TRIML2: variants seen among roughly 807,000 people sequenced by gnomAD.
TRIML2 encodes tripartite motif family like 2, also known as probable E3 ubiquitin-protein ligase TRIML2.
In TRIML2, 28 loss-of-function variants were observed where a neutral mutation model predicts 31.2. The observed-to-expected ratio is 0.90, with a 90% CI of 0.66 to 1.23. The LOEUF (loss-of-function observed/expected upper bound fraction) is 1.23. TRIML2 is among the 50% of genes most tolerant of loss of function. The probability of loss-of-function intolerance (pLI) is 0.00; values close to 1 mark genes in which losing one functional copy is unlikely to be tolerated. For missense variants in TRIML2, 536 were observed against 528.3 expected (o/e 1.01, Z -0.14); for synonymous variants, 187 against 197.5 (o/e 0.95, Z 0.45).
intron 3 of TRIML2, among the ~76,000 whole-genome samples, chr4:188,104,049 G>A (rs1733920297): frequency 6.6e-6 from 1 of 152,162 alleles, no homozygotes; most frequent in Non-Finnish European, 1.5e-5. Flanking sequence ...ATGCCTAACA[G>A]GTGGTGAACC....
At chr4:188,092,377 C>CTTGA (rs1383754948) in intron 7 of TRIML2, among the ~76,000 whole-genome samples, 1 of 151,980 alleles carries the variant, frequency 6.6e-6, no homozygotes, top group Non-Finnish European at 1.5e-5. Context: ...CAGAAAATTG[C>CTTGA]TTGAACCCAG....
chr4:188,099,199 T>C (rs1579174840), intron 4 of TRIML2, 24 bp from the exon 5 acceptor site: 1 of 1,567,606 alleles, frequency 6.4e-7, no homozygotes, highest in East Asian at 2.3e-5. Flanking sequence ...TCTTCGTTAC[T>C]ATTCAACAAC....
At chr4:188,098,907 T>G in intron 5 of TRIML2, 128 bp downstream of exon 5, 1 of 1,101,318 alleles carries the variant, frequency 9.1e-7, no homozygotes, top group Non-Finnish European at 1.3e-6. Context: ...AAGAAAGTCA[T>G]GTAGCCTTCT....
At chr4:188,099,659 T>C (rs1425957919) in intron 4 of TRIML2, among the ~76,000 whole-genome samples, 1 of 152,170 alleles carries the variant, frequency 6.6e-6, no homozygotes, top group Non-Finnish European at 1.5e-5. Flanking sequence ...GCCATGATAT[T>C]CTTCTGCTGA....
chr4:188,104,805 C>T (rs1733952752), intron 3 of TRIML2, 32 bp downstream of exon 3: 1 of 1,510,140 alleles, frequency 6.6e-7, no homozygotes, highest in Non-Finnish European at 9.2e-7. Context: ...CTGGTAATTT[C>T]CCCCCAAGAA....
chr4:188,102,582 G>T (rs1477904929), intron 3 of TRIML2, among the ~76,000 whole-genome samples: 2 of 152,068 alleles, frequency 1.3e-5, no homozygotes, highest in African/African-American at 4.8e-5. Flanking sequence ...AAATTGTCCG[G>T]GCTCACGTCT....
chr4:188,091,598 C>T lies in TRIML2; in HGVS notation c.1089G>A (p.Leu363=), dbSNP rs1452518797. 1.2e-6 allele frequency: 2 copies of T among 1,614,112 alleles called. No homozygotes were observed. Among genetic ancestry groups the T allele is most frequent in the Admixed American group, 1.7e-5 (1 of 60,020 alleles). ...WVFPPLKRLF[L]EKKLDTVGVF... ...CGCCAACTGTGTCCAACTTCTTTTC[C>T]AGGAAGAGCCTTTTCAGAGGGGGGA... is the stretch of plus-strand genomic sequence containing the variant. Residue 363 remains leucine (L), a synonymous_variant, in exon 8 of 8, where the codon CTG becomes CTA. Transcript: ENST00000682553.
chr4:188,106,295 C>A (rs1193829307), intron 1 of TRIML2, among the ~76,000 whole-genome samples: 3 of 152,204 alleles, frequency 2.0e-5, no homozygotes, highest in Non-Finnish European at 4.4e-5. Flanking sequence ...TCGTGATCCA[C>A]CCGCCTCGGC....
chr4:188,099,416 T>G (rs2111171443), intron 4 of TRIML2, among the ~76,000 whole-genome samples: 1 of 152,120 alleles, frequency 6.6e-6, no homozygotes, highest in South Asian at 2.1e-4. Flanking sequence ...GTACAAAAAT[T>G]AGCCAGGCGT....
chr4:188,107,526 A>G (rs1215100829), intron 1 of TRIML2, among the ~76,000 whole-genome samples: 3 of 152,104 alleles, frequency 2.0e-5, no homozygotes, highest in African/African-American at 7.2e-5. Context: ...TAATTTTGAT[A>G]TGTTTTGTCA....
At chr4:188,102,035 C>G (rs912297202) in intron 3 of TRIML2, among the ~76,000 whole-genome samples, 16 of 149,634 alleles carry the variant, frequency 1.1e-4, no homozygotes, top group African/African-American at 3.7e-4. Flanking sequence ...GAGGCTGAGG[C>G]AGGAGAATGG....
At chr4:188,107,344 A>G (rs1270314644) in intron 1 of TRIML2, among the ~76,000 whole-genome samples, 1 of 152,204 alleles carries the variant, frequency 6.6e-6, no homozygotes, top group Admixed American at 6.5e-5. Flanking sequence ...TAACTATAAA[A>G]TGCAGTTTTA....
At chr4:188,092,635 T>G (rs1333878483) in intron 7 of TRIML2, among the ~76,000 whole-genome samples, 1 of 152,090 alleles carries the variant, frequency 6.6e-6, no homozygotes, top group African/African-American at 2.4e-5. Flanking sequence ...TTCGTGGCCC[T>G]CCCGATGCCG....
At chr4:188,108,503 T>G (rs1307322123) in intron 1 of TRIML2, among the ~76,000 whole-genome samples, 1 of 152,144 alleles carries the variant, frequency 6.6e-6, no homozygotes, top group Non-Finnish European at 1.5e-5. Context: ...CAGAATACTA[T>G]TTTAAAACCA....
chr4:188,097,203 G>A (rs769999603), intron 6 of TRIML2, 42 bp from the exon 7 acceptor site: 67 of 1,599,424 alleles, frequency 4.2e-5, no homozygotes, highest in Non-Finnish European at 5.6e-5. Context: ...ACAGACCACA[G>A]GCCCCTTAGT....
Position 188,097,090 on chromosome 4 carries a change from C to G in TRIML2, c.716G>C (p.Gly239Ala), listed in dbSNP as rs1016270377. The change falls in exon 7 of 8, where the codon GGA becomes GCA. Residue 239 changes from glycine (G) to alanine (A), a missense_variant. Coordinates refer to ENST00000682553, the MANE Select transcript of TRIML2 (RefSeq NM_173553.4). ...ITDLSLCHIR[G>A]LSSMFRVLQR... ...GAGTACTCTGAACATGCTGCTGAGT[C>G]CTCTTATGTGGCATAAACTCAGGTC... 6.2e-7 allele frequency: 1 copy of G among 1,613,744 alleles called. No homozygotes were observed. The highest frequency in any genetic ancestry group is 8.5e-7 in the Non-Finnish European group (1 of 1,179,812).
At chr4:188,098,125 A>AG (rs1014318735) in intron 5 of TRIML2, 3 of 188,154 alleles carry the variant, frequency 1.6e-5, no homozygotes, top group African/African-American at 7.3e-5. Context: ...GTCTCGGGGA[A>AG]AAAAAAAAAA....
At chr4:188,106,082 C>T (rs925153809) in intron 1 of TRIML2, 1 of 151,666 alleles carries the variant, frequency 6.6e-6, no homozygotes, top group Non-Finnish European at 1.5e-5. Flanking sequence ...CGGAGTCTCG[C>T]TCTGTCACCC....
In TRIML2 at chr4:188,101,105, G is replaced by T. The variant is rs553673824; in HGVS notation, c.431C>A (p.Ala144Glu). The change falls in exon 4 of 8, where the codon GCG becomes GAG. Residue 144 changes from alanine (A) to glutamate (E), a missense_variant. Coordinates refer to ENST00000682553, the MANE Select transcript of TRIML2 (RefSeq NM_173553.4). ...LNLRETLLNQ[A>E]IKLATELEEM... The stretch of plus-strand genomic sequence containing the variant: ...CTCTAGCTCGGTGGCAAGCTTGATC[G>T]CTTGATTCAGAAGGGTTTCTCTCAG... The T allele has an allele frequency of 6.2e-7, 1 of 1,613,102 alleles. No homozygotes were observed. Among genetic ancestry groups the T allele is most frequent in the African/African-American group, 1.3e-5 (1 of 74,808 alleles).
Sources: gnomAD v4.1 joint callset for allele counts (sites outside exome capture counted in the v4.1 genomes callset) on GRCh38, gnomAD v4.1.1 for gene constraint, MANE v1.5 for transcripts, NCBI Gene and HGNC (gene_info 2026-07-23, HGNC 2026-07-21) for gene names.